Variants in GLIS3 observed in about 807,000 individuals in gnomAD.
GLIS3 encodes the protein zinc finger protein GLIS3.
In GLIS3, 53 loss-of-function variants were observed where a neutral mutation model predicts 78.6. The observed-to-expected ratio is 0.67, with a 90% CI of 0.54 to 0.85. The LOEUF (loss-of-function observed/expected upper bound fraction) is 0.85, where lower values mean the gene tolerates loss of function less well. GLIS3 is among the 40% of genes least tolerant of loss of function. The pLI is 0.00. For synonymous variants in GLIS3, 684 were observed against 509.9 expected (o/e 1.34, Z -4.60); for missense variants, 1,703 against 1,231.1 (o/e 1.38, Z -5.74).
chr9:4,058,833 T>C (rs1056033221), intron 4 of GLIS3, among the ~76,000 whole-genome samples: 1 of 151,890 alleles, frequency 6.6e-6, no homozygotes, highest in Admixed American at 6.6e-5. Context: ...TACAAAAAAA[T>C]TAGCCGGGTT....
chr9:4,029,895 C>T (rs1823681411), intron 4 of GLIS3, among the ~76,000 whole-genome samples: 1 of 152,170 alleles, frequency 6.6e-6, no homozygotes, highest in African/African-American at 2.4e-5. Context: ...AACAGTGCTG[C>T]AACAAACATA....
intron 2 of GLIS3, among the ~76,000 whole-genome samples, chr9:4,222,846 T>G (rs1228342318): frequency 6.6e-6 from 1 of 152,228 alleles, no homozygotes; most frequent in African/African-American, 2.4e-5. Context: ...TCAGTAAGAT[T>G]CTAGCATTCC....
At chr9:4,461,181 C>A in the GLIS3 span, among the ~76,000 whole-genome samples, 6 of 152,248 alleles carry the variant, frequency 3.9e-5, no homozygotes, top group Non-Finnish European at 8.8e-5. Flanking sequence ...AGTTTTGAAA[C>A]CTCAGGCACA....
At position 3,980,745 on chromosome 9, in the gene GLIS3, A is replaced by G. The variant is rs564892046; in HGVS notation, c.1711-43556T>C. 4.5e-4 allele frequency among the ~76,000 whole-genome samples: 69 copies of G among 152,332 alleles called. 1 individual carries two copies. In the South Asian group the frequency reaches 0.014, roughly 30 times the overall value. ...AGGTTTTTTAAGAATGTGCCTAGAA[A>G]GTATTGCTCTTGGCCCAATTTCTAC... On this transcript the variant is annotated intron_variant, in intron 4 of 10. Transcript: ENST00000381971.
chr9:4,416,252 T>TTTTAAAA, the GLIS3 span, among the ~76,000 whole-genome samples: 371 of 75,804 alleles, frequency 4.9e-3, 22 homozygotes, highest in African/African-American at 0.018. Flanking sequence ...ACACTGTTTT[T>TTTTAAAA]AAAAAAAAAA....
chr9:4,107,617 A>G (rs1830863064), intron 4 of GLIS3, among the ~76,000 whole-genome samples: 1 of 152,230 alleles, frequency 6.6e-6, no homozygotes, highest in East Asian at 1.9e-4. Flanking sequence ...TTCACTTCTT[A>G]TCATTTGCCT....
At chr9:4,055,277 G>A (rs539401346) in intron 4 of GLIS3, among the ~76,000 whole-genome samples, 1 of 152,296 alleles carries the variant, frequency 6.6e-6, no homozygotes, top group African/African-American at 2.4e-5. Flanking sequence ...CAGATGTCGA[G>A]TCTGACTAAG....
intron 2 of GLIS3, among the ~76,000 whole-genome samples, chr9:4,180,166 G>A (rs1217441714): frequency 6.6e-6 from 1 of 152,080 alleles, no homozygotes; most frequent in African/African-American, 2.4e-5. Context: ...AACAGAATGA[G>A]GGTTTCAGGC....
At chr9:4,325,936 C>T (rs1817591522) in intron 2 of GLIS3, among the ~76,000 whole-genome samples, 1 of 152,158 alleles carries the variant, frequency 6.6e-6, no homozygotes, top group Non-Finnish European at 1.5e-5. Context: ...TTATCCTCAG[C>T]AAACTAACAC....
chr9:3,946,878 CAG>C (rs1418815341), intron 4 of GLIS3, among the ~76,000 whole-genome samples: 1 of 151,654 alleles, frequency 6.6e-6, no homozygotes, highest in Non-Finnish European at 1.5e-5. Context: ...AGCCTCTCAT[CAG>C]AGTTTCTCAT....
chr9:3,904,460 A>AT (rs1326050675), intron 6 of GLIS3, among the ~76,000 whole-genome samples: 2 of 152,182 alleles, frequency 1.3e-5, no homozygotes, highest in East Asian at 3.9e-4. Flanking sequence ...TGAAATTATT[A>AT]TCTCTCTCCA....
intron 4 of GLIS3, among the ~76,000 whole-genome samples, chr9:4,089,040 C>A (rs568685594): frequency 2.6e-5 from 4 of 152,330 alleles, no homozygotes; most frequent in Admixed American, 2.6e-4. Flanking sequence ...GAAAGACTTT[C>A]CCCAGCAACT....
At chr9:3,927,520 C>T (rs1292754799) in intron 6 of GLIS3, among the ~76,000 whole-genome samples, 1 of 152,162 alleles carries the variant, frequency 6.6e-6, no homozygotes, top group Non-Finnish European at 1.5e-5. Flanking sequence ...TTCTAAAGCG[C>T]ACACCTCGGG....
At position 4,037,229 on chromosome 9, in the gene GLIS3, G is replaced by A. The variant is rs547852520; in HGVS notation, c.1710+80539C>T. Among the ~76,000 whole-genome samples the A allele has an allele frequency of 1.1e-4, 16 of 152,274 alleles. No homozygotes were observed. The South Asian group carries it at 3.3e-3, about 32-fold the overall frequency. Reference sequence around the variant, plus strand: ...ATTTCGAGAAAGATTTCTTGAGAGAGGCATCGTAGCACAGGAGCCTAGCAC... The same window carrying A: ...ATTTCGAGAAAGATTTCTTGAGAGAAGCATCGTAGCACAGGAGCCTAGCAC... On this transcript the variant is annotated intron_variant, in intron 4 of 10. Coordinates refer to ENST00000381971, the MANE Select transcript of GLIS3 (RefSeq NM_001042413.2).
the GLIS3 span, among the ~76,000 whole-genome samples, chr9:4,479,865 C>T: frequency 1.4e-5 from 2 of 147,908 alleles, no homozygotes; most frequent in South Asian, 4.3e-4. Context: ...TCCCTTCCTT[C>T]TTCCCATCAT....
upstream of GLIS3, among the ~76,000 whole-genome samples, chr9:4,304,784 A>T (rs751626990): frequency 2.2e-4 from 34 of 152,216 alleles, no homozygotes; most frequent in Non-Finnish European, 3.4e-4. Flanking sequence ...AGTCTTAAAT[A>T]TACCTGCAAA....
chr9:3,911,308 A>T (rs1220006731), intron 6 of GLIS3, among the ~76,000 whole-genome samples: 1 of 152,168 alleles, frequency 6.6e-6, no homozygotes, highest in African/African-American at 2.4e-5. Context: ...CTTTTTCCAT[A>T]TGTTACGCTC....
chr9:4,106,359 A>G (rs1034444917), intron 4 of GLIS3, among the ~76,000 whole-genome samples: 17 of 152,086 alleles, frequency 1.1e-4, no homozygotes, highest in Non-Finnish European at 4.4e-5. Flanking sequence ...GCCTAGCTTC[A>G]TTTTCCTAAA....
chr9:4,298,192 G>C (rs140657137), intron 1 of GLIS3, among the ~76,000 whole-genome samples: 8,901 of 152,124 alleles, frequency 0.059, 355 homozygotes, highest in Middle Eastern at 0.092. Context: ...GCCCGGCCTG[G>C]CCGGAGCCTG....
Sources: gnomAD v4.1 joint callset for allele counts (sites outside exome capture counted in the v4.1 genomes callset) on GRCh38, gnomAD v4.1.1 for gene constraint, MANE v1.5 for transcripts, NCBI Gene and HGNC (gene_info 2026-07-23, HGNC 2026-07-21) for gene names.